IL31RA: variants seen among roughly 807,000 people sequenced by gnomAD.
IL31RA encodes the protein interleukin 31 receptor A.
In IL31RA, 66 loss-of-function variants were observed where a neutral mutation model predicts 83.7. The observed-to-expected ratio is 0.79, with a 90% CI of 0.65 to 0.97. The LOEUF is 0.97. Ranked by LOEUF, IL31RA falls within the 50% of genes least tolerant of loss-of-function variation. The probability of loss-of-function intolerance (pLI) is 0.00; values close to 1 mark genes in which losing one functional copy is unlikely to be tolerated. For synonymous variants in IL31RA, 325 were observed against 329.0 expected (o/e 0.99, Z 0.13); for missense variants, 798 against 919.4 (o/e 0.87, Z 1.71).
upstream of IL31RA, among the ~76,000 whole-genome samples, chr5:55,847,185 G>A (rs191866150): frequency 6.8e-6 from 1 of 147,800 alleles, no homozygotes; most frequent in Non-Finnish European, 1.5e-5. Flanking sequence ...GGAGGTTGTG[G>A]TGAGCCGAGA....
intron 11 of IL31RA, among the ~76,000 whole-genome samples, chr5:55,909,669 T>G (rs1749374190): frequency 6.6e-6 from 1 of 152,130 alleles, no homozygotes; most frequent in Non-Finnish European, 1.5e-5. Context: ...CTAATAATGT[T>G]GGGCATCTTT....
intron 4 of IL31RA, among the ~76,000 whole-genome samples, chr5:55,878,765 C>A (rs887324496): frequency 1.3e-5 from 2 of 152,048 alleles, no homozygotes; most frequent in African/African-American, 4.8e-5. Context: ...GCCATTCTCC[C>A]ACCTCAGCCT....
intron 13 of IL31RA, among the ~76,000 whole-genome samples, chr5:55,913,784 A>G (rs1749634910): frequency 6.6e-6 from 1 of 152,234 alleles, no homozygotes; most frequent in South Asian, 2.1e-4. Context: ...CCAGAGCTCC[A>G]TGCCCAGGTC....
At chr5:55,882,204 T>C (rs1295439049) in intron 4 of IL31RA, among the ~76,000 whole-genome samples, 1 of 152,148 alleles carries the variant, frequency 6.6e-6, no homozygotes, top group East Asian at 1.9e-4. Context: ...CTCCTGTCCT[T>C]CTCATGCCTG....
chr5:55,880,541 C>A (rs571783754), intron 4 of IL31RA, among the ~76,000 whole-genome samples: 20 of 152,106 alleles, frequency 1.3e-4, no homozygotes, highest in Non-Finnish European at 2.9e-4. Flanking sequence ...TTCTAGCTAG[C>A]AAGAGTCTGG....
the IL31RA span, among the ~76,000 whole-genome samples, chr5:55,843,279 T>C: frequency 1.3e-5 from 2 of 152,322 alleles, no homozygotes; most frequent in East Asian, 3.9e-4. Context: ...TCAGGAAACA[T>C]TGCTTGATTC....
chr5:55,914,570 G>A (rs1749677865), intron 13 of IL31RA, among the ~76,000 whole-genome samples: 1 of 152,152 alleles, frequency 6.6e-6, no homozygotes, highest in African/African-American at 2.4e-5. Context: ...ACAGCATTGG[G>A]ACCAGGTATG....
upstream of IL31RA, chr5:55,851,288 G>A: frequency 2.0e-6 from 1 of 499,322 alleles, no homozygotes; most frequent in Non-Finnish European, 3.6e-6. Flanking sequence ...TTGAACTCAT[G>A]GCTAATAACA....
At chr5:55,876,409 A>T (rs1299857330) in intron 4 of IL31RA, among the ~76,000 whole-genome samples, 1 of 152,118 alleles carries the variant, frequency 6.6e-6, no homozygotes, top group Non-Finnish European at 1.5e-5. Flanking sequence ...CATCTCAAAA[A>T]ATATATATAT....
At chr5:55,849,277 AT>A (rs796789063), upstream of IL31RA, among the ~76,000 whole-genome samples, 268 of 150,084 alleles carry the variant, frequency 1.8e-3, 2 homozygotes, top group African/African-American at 6.2e-3. Flanking sequence ...CTGCAATTTA[AT>A]TTTTTTTTCA....
intron 8 of IL31RA, among the ~76,000 whole-genome samples, chr5:55,900,710 A>T (rs779412641): frequency 6.6e-6 from 1 of 152,224 alleles, no homozygotes; most frequent in Admixed American, 6.5e-5. Flanking sequence ...GTTTTGGAAT[A>T]AAAAACTTTC....
upstream of IL31RA, among the ~76,000 whole-genome samples, chr5:55,847,244 A>ATG (rs750562303): frequency 1.6e-5 from 1 of 61,158 alleles, no homozygotes; most frequent in Admixed American, 1.6e-4. Flanking sequence ...AAAAAAAATA[A>ATG]AAATAAATAA....
At position 55,917,375 on chromosome 5, in the gene IL31RA, C is replaced by G. The variant is rs951670880; in HGVS notation, c.*255C>G. Reference sequence around the variant, plus strand: ...TTCGTTTGTTCAGATACCAAGCTCTCACCGAGGCCTCCTGACAGATTGACT... The same window carrying G: ...TTCGTTTGTTCAGATACCAAGCTCTGACCGAGGCCTCCTGACAGATTGACT... On this transcript the variant is annotated 3_prime_UTR_variant, in exon 15 of 15. Transcript: ENST00000652347. The G allele has an allele frequency of 7.7e-7, 1 of 1,303,790 alleles. No individual in the cohort carries two copies. The highest frequency in any genetic ancestry group is 1.5e-5 in the African/African-American group (1 of 66,996). The allele number at this position is 1,303,790 out of a possible 1,614,324, so 80.8% of individuals were successfully genotyped here.
the IL31RA span, among the ~76,000 whole-genome samples, chr5:55,846,351 T>A: frequency 9.0e-3 from 1,369 of 152,344 alleles, 16 homozygotes; most frequent in South Asian, 0.044. Flanking sequence ...TATATTCTGA[T>A]GCGTATTGTT....
rs1749695412 is a variant in IL31RA at position 55,914,852 on chromosome 5, T to TGG, written c.1743_1744insGG (p.Thr582GlyfsTer17). On this transcript the variant is annotated frameshift_variant, in exon 14 of 15. Coordinates refer to ENST00000652347, the MANE Select transcript of IL31RA (RefSeq NM_139017.7). LOFTEE classifies it high-confidence loss of function. ...AAAATCTTCTCTCTCATTAGCAAAT[T>TGG]GACTCATCTGTGTTGGCCCACCGTT... 1.2e-6 allele frequency: 2 copies of TGG among 1,610,600 alleles called. No homozygotes were observed. The highest frequency in any genetic ancestry group is 1.7e-5 in the Admixed American group (1 of 60,006).
intron 2 of IL31RA, among the ~76,000 whole-genome samples, chr5:55,867,689 AG>A (rs1746272494): frequency 6.6e-6 from 1 of 152,164 alleles, no homozygotes; most frequent in Non-Finnish European, 1.5e-5. Flanking sequence ...GGGAAGAAAA[AG>A]AGGTTTAATT....
the IL31RA span, among the ~76,000 whole-genome samples, chr5:55,845,768 AC>A: frequency 3.3e-5 from 5 of 152,314 alleles, no homozygotes; most frequent in African/African-American, 1.2e-4. Flanking sequence ...ATTATAAATT[AC>A]CCAGTCTCGG....
chr5:55,850,292 T>A (rs1212519063), upstream of IL31RA, among the ~76,000 whole-genome samples: 1 of 152,122 alleles, frequency 6.6e-6, no homozygotes, highest in Non-Finnish European at 1.5e-5. Context: ...TTGTATCACT[T>A]CTCTCATTAT....
At chr5:55,848,687 G>A (rs112269219), upstream of IL31RA, among the ~76,000 whole-genome samples, 2 of 152,088 alleles carry the variant, frequency 1.3e-5, no homozygotes, top group South Asian at 2.1e-4. Flanking sequence ...ATATCTAAAA[G>A]TGGAATTCCC....
Sources: gnomAD v4.1 joint callset for allele counts (sites outside exome capture counted in the v4.1 genomes callset) on GRCh38, gnomAD v4.1.1 for gene constraint, MANE v1.5 for transcripts, NCBI Gene and HGNC (gene_info 2026-07-23, HGNC 2026-07-21) for gene names.